The following CNTN4 variants were observed in gnomAD, a reference collection of about 807,000 sequenced individuals.
CNTN4 encodes contactin 4.
Under a neutral mutation model 122.5 loss-of-function variants are expected in CNTN4, and 77 were observed. The ratio of observed to expected loss-of-function variants is 0.63; its 90% CI spans 0.52 to 0.76. The LOEUF is 0.76. Ranked by LOEUF, CNTN4 falls within the 30% of genes least tolerant of loss-of-function variation. The probability of loss-of-function intolerance (pLI) is 0.00; values close to 1 mark genes in which losing one functional copy is unlikely to be tolerated. For synonymous variants in CNTN4, 512 were observed against 447.0 expected (o/e 1.15, Z -1.83); for missense variants, 1,256 against 1,259.1 (o/e 1.00, Z 0.04).
intron 2 of CNTN4, among the ~76,000 whole-genome samples, chr3:2,154,746 T>G (rs745594503): frequency 6.6e-6 from 1 of 152,234 alleles, no homozygotes; most frequent in Non-Finnish European, 1.5e-5. Flanking sequence ...TTATTCCACG[T>G]TCAGAGGTTC....
chr3:2,636,955 T>TTTTTG (rs2082688024), intron 4 of CNTN4, among the ~76,000 whole-genome samples: 1 of 142,840 alleles, frequency 7.0e-6, no homozygotes, highest in Non-Finnish European at 1.5e-5. Flanking sequence ...TTTTTTTTTT[T>TTTTTG]GAGATAGCGT....
At chr3:2,521,628 C>A (rs926054970) in intron 3 of CNTN4, among the ~76,000 whole-genome samples, 4 of 151,946 alleles carry the variant, frequency 2.6e-5, no homozygotes, top group African/African-American at 9.7e-5. Flanking sequence ...TGCAAAAGAG[C>A]TCTTAGTGCA....
chr3:2,150,812 T>A (rs1432953211), intron 2 of CNTN4, among the ~76,000 whole-genome samples: 1 of 152,214 alleles, frequency 6.6e-6, no homozygotes, highest in East Asian at 1.9e-4. Context: ...AAAACTCATG[T>A]TCCCTCTGTT....
chr3:2,184,170 G>A (rs896807385), intron 2 of CNTN4, among the ~76,000 whole-genome samples: 14 of 151,978 alleles, frequency 9.2e-5, no homozygotes, highest in African/African-American at 3.1e-4. Flanking sequence ...TATTTTGGTA[G>A]AAACGAGGTT....
At chr3:2,343,002 T>A in intron 3 of CNTN4, among the ~76,000 whole-genome samples, 1 of 152,236 alleles carries the variant, frequency 6.6e-6, no homozygotes, top group East Asian at 1.9e-4. Context: ...TAGAGAGTAG[T>A]GATGGCTGTA....
intron 7 of CNTN4, among the ~76,000 whole-genome samples, chr3:2,839,354 G>T (rs1376540368): frequency 2.0e-5 from 3 of 151,930 alleles, no homozygotes; most frequent in Non-Finnish European, 4.4e-5. Flanking sequence ...AAAAAGCGGG[G>T]GCAGGAAAGA....
intron 7 of CNTN4, among the ~76,000 whole-genome samples, chr3:2,857,995 G>A (rs2093634125): frequency 6.6e-6 from 1 of 152,176 alleles, no homozygotes; most frequent in South Asian, 2.1e-4. Flanking sequence ...TCCTAAAGCA[G>A]GGGCTACAAC....
chr3:2,878,624 A>G (rs1414718812), intron 8 of CNTN4, among the ~76,000 whole-genome samples: 1 of 148,954 alleles, frequency 6.7e-6, no homozygotes, highest in East Asian at 1.9e-4. Context: ...GCTAGCTATA[A>G]AGATGATAGA....
chr3:2,903,567 G>C (rs867683150), intron 12 of CNTN4, among the ~76,000 whole-genome samples: 2 of 152,090 alleles, frequency 1.3e-5, no homozygotes, highest in African/African-American at 4.8e-5. Context: ...TGAGTGCATC[G>C]TCTGCCTGAA....
At chr3:2,362,961 G>GT (rs35946939) in intron 3 of CNTN4, among the ~76,000 whole-genome samples, 14,425 of 151,812 alleles carry the variant, frequency 0.095, 1,182 homozygotes, top group African/African-American at 0.22. Flanking sequence ...ATTACAGACT[G>GT]TTTTTTTTCC....
intron 6 of CNTN4, among the ~76,000 whole-genome samples, chr3:2,747,371 T>G (rs571039408): frequency 1.3e-5 from 2 of 150,376 alleles, no homozygotes; most frequent in Non-Finnish European, 2.9e-5. Context: ...ATGGCGCCAC[T>G]GGACTCCAGC....
intron 8 of CNTN4, among the ~76,000 whole-genome samples, chr3:2,871,451 C>T (rs190743273): frequency 6.6e-4 from 100 of 152,242 alleles, no homozygotes; most frequent in Middle Eastern, 3.4e-3. Flanking sequence ...CGATGTTAAA[C>T]TCTAAAGGGT....
intron 4 of CNTN4, among the ~76,000 whole-genome samples, chr3:2,723,674 T>G (rs7628663): frequency 0.16 from 24,009 of 152,220 alleles, 2,407 homozygotes; most frequent in East Asian, 0.4. Context: ...CCTAAGGGCC[T>G]TACCTCTAAA....
chr3:2,414,854 A>T (rs137989204), intron 3 of CNTN4, among the ~76,000 whole-genome samples: 140 of 152,330 alleles, frequency 9.2e-4, no homozygotes, highest in African/African-American at 3.3e-3. Context: ...ATTATACTTA[A>T]GAATATATGT....
At chr3:2,839,308 G>C (rs1460629857) in intron 7 of CNTN4, among the ~76,000 whole-genome samples, 2 of 152,090 alleles carry the variant, frequency 1.3e-5, no homozygotes, top group Non-Finnish European at 2.9e-5. Flanking sequence ...TTAAGATTCT[G>C]GCTGGATTGT....
At chr3:2,554,601 A>AAT (rs1265236974) in intron 3 of CNTN4, among the ~76,000 whole-genome samples, 1 of 152,132 alleles carries the variant, frequency 6.6e-6, no homozygotes, top group African/African-American at 2.4e-5. Context: ...GTAGGTAGTA[A>AAT]ATATATATAT....
chr3:2,194,701 G>A (rs912400387), intron 2 of CNTN4, among the ~76,000 whole-genome samples: 11 of 152,190 alleles, frequency 7.2e-5, no homozygotes, highest in African/African-American at 1.4e-4. Context: ...AGAGGGCCAC[G>A]CAAAGATTGA....
At chr3:2,714,078 T>G (rs1487524826) in intron 4 of CNTN4, among the ~76,000 whole-genome samples, 2 of 152,178 alleles carry the variant, frequency 1.3e-5, no homozygotes, top group South Asian at 2.1e-4. Flanking sequence ...ATAATCATAA[T>G]AGCACTAGCA....
chr3:2,112,706 T>A (rs181026468), intron 2 of CNTN4, among the ~76,000 whole-genome samples: 1 of 152,330 alleles, frequency 6.6e-6, no homozygotes, highest in East Asian at 1.9e-4. Flanking sequence ...ATTACTTTTA[T>A]ATGTTTCTTT....
Sources: allele counts gnomAD v4.1 joint callset (sites outside exome capture counted in the v4.1 genomes callset), GRCh38; gene constraint gnomAD v4.1.1; transcripts MANE v1.5; gene names NCBI Gene and HGNC (gene_info 2026-07-23, HGNC 2026-07-21).